The following TRIM49 variants were observed in gnomAD, a reference collection of about 807,000 sequenced individuals.
The protein encoded by TRIM49 is tripartite motif-containing protein 49.
In TRIM49, 5 loss-of-function variants were observed where a neutral mutation model predicts 27.4. The observed-to-expected ratio is 0.18, with a 90% CI of 0.10 to 0.38. The LOEUF is 0.38. Ranked by LOEUF, TRIM49 falls within the 10% of genes least tolerant of loss-of-function variation. The probability of loss-of-function intolerance (pLI) is 1.00; values close to 1 mark genes in which losing one functional copy is unlikely to be tolerated. For missense variants in TRIM49, 188 were observed against 487.5 expected, an observed-to-expected ratio of 0.39 and a Z score of 5.79; for synonymous variants, 69 against 166.0, an observed-to-expected ratio of 0.42 and a Z score of 4.49.
At chr11:89,800,019 T>A (rs1256542340) in intron 6 of TRIM49, among the ~76,000 whole-genome samples, 1 of 148,582 alleles carries the variant, frequency 6.7e-6, no homozygotes, top group Non-Finnish European at 1.5e-5. Flanking sequence ...TCCAATCTGA[T>A]CCTTCTTTTT....
chr11:89,802,579 A>G (rs1405922476), intron 4 of TRIM49, among the ~76,000 whole-genome samples: 2 of 147,228 alleles, frequency 1.4e-5, no homozygotes, highest in Non-Finnish European at 3.0e-5. Context: ...ACAAACACAC[A>G]CACATACATA....
At chr11:89,792,819 A>G (rs1949664113), downstream of TRIM49, among the ~76,000 whole-genome samples, 1 of 152,124 alleles carries the variant, frequency 6.6e-6, no homozygotes, top group African/African-American at 2.4e-5. Flanking sequence ...ACACCCTAAC[A>G]TCACAACTAA....
At chr11:89,768,222 T>C in the TRIM49 span, 1 of 1,459,440 alleles carries the variant, frequency 6.9e-7, no homozygotes, top group Non-Finnish European at 9.3e-7. Context: ...ACCGGTCCTG[T>C]GATGGGCCCT....
At chr11:89,778,000 TTTTG>T in the TRIM49 span, 3,287 of 581,658 alleles carry the variant, frequency 5.7e-3, no homozygotes, top group Admixed American at 0.068. Context: ...AACTAGCAAA[TTTTG>T]TTCATTAGTG....
the TRIM49 span, among the ~76,000 whole-genome samples, chr11:89,783,498 T>C: frequency 8.4e-6 from 1 of 118,518 alleles, no homozygotes; most frequent in South Asian, 2.8e-4. Flanking sequence ...GCATAATTTT[T>C]ATAGGGTTGA....
chr11:89,797,141 T>A (rs1326554337), downstream of TRIM49, among the ~76,000 whole-genome samples: 1 of 151,608 alleles, frequency 6.6e-6, no homozygotes, highest in African/African-American at 2.4e-5. Context: ...AAGTGAGCAC[T>A]TTTTTATATT....
At position 89,797,767 on chromosome 11, in the gene TRIM49, T is replaced by A; in HGVS notation, c.*363A>T. ...TTATCATTGAGACTTCACTCCAAGT[T>A]TTTTGCATGAAGCAAAAGATCCCGA... On this transcript the variant is annotated 3_prime_UTR_variant, in exon 8 of 8. Transcript: ENST00000329758. The A allele has an allele frequency of 8.3e-6, 1 of 121,164 alleles. No homozygotes were observed. Among genetic ancestry groups the A allele is most frequent in the Non-Finnish European group, 1.6e-5 (1 of 61,198 alleles). 7.5% of individuals were successfully genotyped at this position (121,164 alleles called of 1,614,324 possible).
the TRIM49 span, among the ~76,000 whole-genome samples, chr11:89,772,259 A>G: frequency 7.3e-6 from 1 of 137,250 alleles, no homozygotes; most frequent in East Asian, 2.1e-4. Flanking sequence ...CATAACATAT[A>G]AAATATGCGT....
the TRIM49 span, chr11:89,786,765 C>T: frequency 5.8e-5 from 8 of 138,658 alleles, 1 homozygote; most frequent in East Asian, 4.2e-4. Flanking sequence ...AGAGGCATCA[C>T]GGAATTAAAG....
the TRIM49 span, among the ~76,000 whole-genome samples, chr11:89,769,033 T>A: frequency 5.9e-5 from 8 of 135,410 alleles, 1 homozygote; most frequent in Non-Finnish European, 1.1e-4. Flanking sequence ...TGCAAAAAAA[T>A]TAGCCAGGTG....
At chr11:89,770,018 G>A in the TRIM49 span, among the ~76,000 whole-genome samples, 4 of 135,160 alleles carry the variant, frequency 3.0e-5, 2 homozygotes, top group African/African-American at 1.3e-4. Flanking sequence ...CAGGGACAAG[G>A]AGAATGAGGG....
the TRIM49 span, chr11:89,787,217 C>G: frequency 5.8e-5 from 13 of 222,820 alleles, no homozygotes. Flanking sequence ...GGGCGCCGTG[C>G]GTGGCCCAGA....
the TRIM49 span, chr11:89,789,437 A>G: frequency 7.5e-6 from 1 of 133,348 alleles, no homozygotes; most frequent in African/African-American, 2.9e-5. Flanking sequence ...ACACTTCTCC[A>G]AGCTGGCTAT....
downstream of TRIM49, among the ~76,000 whole-genome samples, chr11:89,793,890 C>A (rs1314238895): frequency 1.3e-5 from 2 of 151,836 alleles, no homozygotes; most frequent in African/African-American, 4.8e-5. Flanking sequence ...CTGGCCAGGG[C>A]AATCAGGCAA....
chr11:89,777,388 T>C, the TRIM49 span: 3 of 1,535,862 alleles, frequency 2.0e-6, no homozygotes, highest in Non-Finnish European at 2.6e-6. Context: ...GAATGCAGGG[T>C]ACGTGATGCC....
chr11:89,768,965 G>T, the TRIM49 span: 4 of 405,094 alleles, frequency 9.9e-6, no homozygotes, highest in Admixed American at 1.0e-4. Flanking sequence ...GATCACCTGA[G>T]GTCAGGATTT....
At chr11:89,792,904 C>G (rs372960528), downstream of TRIM49, among the ~76,000 whole-genome samples, 1 of 152,090 alleles carries the variant, frequency 6.6e-6, no homozygotes, top group Non-Finnish European at 1.5e-5. Flanking sequence ...CAGAGCAGAA[C>G]TGAAGGAGAT....
chr11:89,786,225 G>A, the TRIM49 span: 2,384 of 137,542 alleles, frequency 0.017, 134 homozygotes, highest in African/African-American at 0.03. Flanking sequence ...GGTGCGGTGT[G>A]GGGTGAGCTT....
chr11:89,791,201 G>A, the TRIM49 span, among the ~76,000 whole-genome samples: 1 of 151,632 alleles, frequency 6.6e-6, no homozygotes, highest in Admixed American at 6.6e-5. Flanking sequence ...AGAGAGAAAA[G>A]AGTAAAAAGA....
Sources: gnomAD v4.1 joint callset for allele counts (sites outside exome capture counted in the v4.1 genomes callset) on GRCh38, gnomAD v4.1.1 for gene constraint, MANE v1.5 for transcripts, NCBI Gene and HGNC (gene_info 2026-07-23, HGNC 2026-07-21) for gene names.